NFAM1: variants seen among roughly 807,000 people sequenced by gnomAD.
The protein encoded by NFAM1 is NFAT activating protein with ITAM motif 1.
NFAM1 carries 17 observed loss-of-function variants against 29.0 expected under a neutral mutation model. That is an observed-to-expected ratio of 0.59 (90% confidence interval 0.40 to 0.88). The LOEUF (loss-of-function observed/expected upper bound fraction) is 0.88, where lower values mean the gene tolerates loss of function less well. NFAM1 is among the 40% of genes least tolerant of loss of function. NFAM1 has a pLI of 0.00. For missense variants in NFAM1, 324 were observed against 344.6 expected (o/e 0.94, Z 0.47); for synonymous variants, 175 against 147.2 (o/e 1.19, Z -1.36).
intron 3 of NFAM1, among the ~76,000 whole-genome samples, chr22:42,400,933 T>G (rs1188240260): frequency 6.6e-6 from 1 of 152,216 alleles, no homozygotes; most frequent in Non-Finnish European, 1.5e-5. Context: ...GCTCAGCTCT[T>G]TGGACCTGCC....
At chr22:42,386,396 A>C (rs6002717) in intron 5 of NFAM1, among the ~76,000 whole-genome samples, 2,483 of 125,174 alleles carry the variant, frequency 0.02, 33 homozygotes, top group African/African-American at 0.031. Context: ...AAAACAAACA[A>C]ACACACACAC....
chr22:42,404,143 C>T (rs1214970957), intron 3 of NFAM1, among the ~76,000 whole-genome samples: 1 of 151,706 alleles, frequency 6.6e-6, no homozygotes, highest in East Asian at 1.9e-4. Context: ...GTGTGAGCTC[C>T]GTGCCCTCCC....
chr22:42,411,413 C>G lies in NFAM1; in HGVS notation c.445G>C (p.Val149Leu). 1 of 1,612,402 alleles carries G rather than the reference C, an allele frequency of 6.2e-7. No homozygotes were observed. Among genetic ancestry groups the G allele is most frequent in the Non-Finnish European group, 8.5e-7 (1 of 1,178,844 alleles). ...TVRGSGTFILVRDAGYREPPQ... is the reference protein window; with the variant it reads ...TVRGSGTFILLRDAGYREPPQ... ...GCCACAGAGGAAGCCTTACCTCTGA[C>G]CAGGATGAAGGTGCCGCTGCCTCTC... The change falls in exon 2 of 6, where the codon GTC (valine) becomes CTC (leucine). Residue 149 changes from valine (V) to leucine (L), a missense_variant. Val to Leu is a conservative substitution (Grantham distance 32). Transcript: ENST00000329021.
At chr22:42,396,502 TC>T (rs1929531158) in intron 4 of NFAM1, among the ~76,000 whole-genome samples, 1 of 149,220 alleles carries the variant, frequency 6.7e-6, no homozygotes, top group Non-Finnish European at 1.5e-5. Flanking sequence ...TATATATATA[TC>T]TCACATATGT....
chr22:42,436,857 A>C (rs145515499), upstream of NFAM1: 1 of 320,922 alleles, frequency 3.1e-6, no homozygotes, highest in Non-Finnish European at 4.5e-6. Context: ...CCTGGCTTTA[A>C]CCACTGCGCT....
chr22:42,397,766 G>A, intron 4 of NFAM1, 92 bp downstream of exon 4: 1 of 761,850 alleles, frequency 1.3e-6, no homozygotes, highest in Non-Finnish European at 2.4e-6. Context: ...CCACACAGCT[G>A]GTACAAGACT....
chr22:42,397,805 A>C (rs886118575), intron 4 of NFAM1, 53 bp downstream of exon 4: 2 of 985,152 alleles, frequency 2.0e-6, no homozygotes, highest in Non-Finnish European at 3.3e-6. Flanking sequence ...TACAAGACAG[A>C]CTCTGCCTAA....
chr22:42,436,942 A>G, upstream of NFAM1: 1 of 913,782 alleles, frequency 1.1e-6, no homozygotes, highest in Admixed American at 6.2e-5. Context: ...TGAGGGAGAA[A>G]AACAGTGACT....
At chr22:42,431,030 G>A (rs892965943) in intron 1 of NFAM1, among the ~76,000 whole-genome samples, 1 of 152,176 alleles carries the variant, frequency 6.6e-6, no homozygotes. Flanking sequence ...GTACACACAG[G>A]TCAGCCTTTG....
chr22:42,428,520 C>T (rs1317505960), intron 1 of NFAM1, among the ~76,000 whole-genome samples: 1 of 152,118 alleles, frequency 6.6e-6, no homozygotes, highest in Non-Finnish European at 1.5e-5. Context: ...CAGCTCAGTG[C>T]AGCCTCTGCC....
rs530858830 is a variant in NFAM1, at chr22:42,429,834, C to T, written c.121+2403G>A. 8.5e-5 allele frequency among the ~76,000 whole-genome samples: 13 copies of T among 152,268 alleles called. No individual in the cohort carries two copies. The East Asian group carries it at 1.2e-3, about 14-fold the overall frequency. ...GGCTGATGGTTAAGGCTGATGGTTA[C>T]GGTCAGGGGAGGTTTGGAAGATGTG... On this transcript the variant is annotated intron_variant, in intron 1 of 5. Coordinates refer to ENST00000329021, the MANE Select transcript of NFAM1 (RefSeq NM_145912.8).
intron 1 of NFAM1, among the ~76,000 whole-genome samples, chr22:42,412,758 T>A (rs1930137988): frequency 6.6e-6 from 1 of 152,162 alleles, no homozygotes; most frequent in African/African-American, 2.4e-5. Flanking sequence ...GACTCTGGGC[T>A]CGGAGAGGAT....
chr22:42,416,623 C>G (rs1470156031), intron 1 of NFAM1, among the ~76,000 whole-genome samples: 1 of 152,116 alleles, frequency 6.6e-6, no homozygotes, highest in Non-Finnish European at 1.5e-5. Flanking sequence ...GTAGAGGGGG[C>G]TGGGGAGAGC....
Position 42,409,229 on chromosome 22 carries a change from A to G in NFAM1, c.564+206T>C, listed in dbSNP as rs527831034. ...GCCTGCAGAGCCCTGGTTTCTTGCA[A>G]CAAGATCAAAAGGCACCCCATGGCA... On this transcript the variant is annotated intron_variant, in intron 3 of 5. Transcript: ENST00000329021. The surrounding 1 kb of genome is among the most constrained non-coding windows in gnomAD (Gnocchi z 4.9). 3.0e-4 allele frequency among the ~76,000 whole-genome samples: 46 copies of G among 152,306 alleles called. No homozygotes were observed. Among genetic ancestry groups the G allele is most frequent in the Non-Finnish European group, 1.3e-4 (9 of 68,014 alleles).
chr22:42,416,446 T>A (rs1389876458), intron 1 of NFAM1, among the ~76,000 whole-genome samples: 1 of 152,192 alleles, frequency 6.6e-6, no homozygotes, highest in Non-Finnish European at 1.5e-5. Context: ...TGTCATCAGA[T>A]ATGGCAGGGG....
rs1270324116 is a variant in NFAM1 at position 42,380,759 on chromosome 22, A to G, written c.*4402T>C. The stretch of plus-strand genomic sequence containing the variant: ...CTGAAATCCCAGAGGCATCTTTAGA[A>G]TGGAGCATGGACTTTACATTAGAAT... On this transcript the variant is annotated 3_prime_UTR_variant, in exon 6 of 6. Coordinates refer to ENST00000329021, the MANE Select transcript of NFAM1 (RefSeq NM_145912.8). The G allele has an allele frequency of 1.3e-5, 2 of 152,558 alleles. No individual in the cohort carries two copies. The highest frequency in any genetic ancestry group is 3.8e-4 in the East Asian group (2 of 5,200). The allele number at this position is 152,558 out of a possible 1,614,324, so 9.5% of individuals were successfully genotyped here.
Position 42,411,432 on chromosome 22 carries a change from G to A in NFAM1, c.426C>T (p.Gly142=). The change falls in exon 2 of 6, where the codon GGC becomes GGT. Residue 142 remains glycine, a synonymous_variant. Transcript: ENST00000329021. The part of the protein sequence containing the change: ...SVHWPHSTVR[G]SGTFILVRDA... Reference sequence around the variant, plus strand: ...CTCTGACCAGGATGAAGGTGCCGCTGCCTCTCACCGTGGAGTGTGGCCAGT... The same window carrying A: ...CTCTGACCAGGATGAAGGTGCCGCTACCTCTCACCGTGGAGTGTGGCCAGT... The A allele has an allele frequency of 6.2e-7, 1 of 1,613,846 alleles. No homozygotes were observed. Among genetic ancestry groups the A allele is most frequent in the Non-Finnish European group, 8.5e-7 (1 of 1,179,778 alleles).
At chr22:42,411,024 T>C (rs1361094230) in intron 2 of NFAM1, among the ~76,000 whole-genome samples, 91 of 53,866 alleles carry the variant, frequency 1.7e-3, no homozygotes, top group Admixed American at 2.6e-3. Flanking sequence ...CTTTTCTTTT[T>C]TTTTTTTTTT....
In NFAM1 at chr22:42,380,509, A is replaced by G. The variant is rs1191004453; in HGVS notation, c.*4652T>C. 1 of 152,564 alleles carries G rather than the reference A, an allele frequency of 6.6e-6. No homozygotes were observed. Among genetic ancestry groups the G allele is most frequent in the African/African-American group, 2.4e-5 (1 of 41,458 alleles). The allele number at this position is 152,564 out of a possible 1,614,324, so 9.5% of individuals were successfully genotyped here. A position where few individuals can be genotyped will look rare whatever the true frequency, so the allele number is the denominator to read the frequency against. The stretch of plus-strand genomic sequence containing the variant: ...CAAAACACACGCCAACACCAAGTTC[A>G]GAGAGTCTGGCCTGACCCGCGCTCA... On this transcript the variant is annotated 3_prime_UTR_variant, in exon 6 of 6. Transcript: ENST00000329021.
Sources: allele counts gnomAD v4.1 joint callset (sites outside exome capture counted in the v4.1 genomes callset), GRCh38; gene constraint gnomAD v4.1.1; non-coding constraint Gnocchi (gnomAD v3.1); transcripts MANE v1.5; gene names NCBI Gene and HGNC (gene_info 2026-07-23, HGNC 2026-07-21).